SCN8A: variants seen among roughly 807,000 people sequenced by gnomAD.
The protein encoded by SCN8A is sodium channel protein type 8 subunit alpha.
Under a neutral mutation model 184.1 loss-of-function variants are expected in SCN8A, and 30 were observed. That is an observed-to-expected ratio of 0.16 (90% CI 0.12 to 0.22). SCN8A has a LOEUF of 0.22. Ranked by LOEUF, SCN8A falls within the 10% of genes least tolerant of loss-of-function variation. The pLI is 1.00. For synonymous variants in SCN8A, 852 were observed against 907.0 expected, an observed-to-expected ratio of 0.94 and a Z score of 1.09; for missense variants, 1,057 against 2,498.9, an observed-to-expected ratio of 0.42 and a Z score of 12.30.
Position 51,686,362 on chromosome 12 carries a change from C to G in SCN8A, c.396-6C>G, listed in dbSNP as rs1592379052. On this transcript the variant is annotated splice_region_variant and splice_polypyrimidine_tract_variant and intron_variant, in intron 3 of 26. Transcript: ENST00000627620. Reference sequence around the variant, plus strand: ...ATTTTAATATTGCCCCTTGACTCTTCTCTACAGTATTTAGCATGATCATTA... The same window carrying G: ...ATTTTAATATTGCCCCTTGACTCTTGTCTACAGTATTTAGCATGATCATTA... The G allele has an allele frequency of 6.3e-7, 1 of 1,593,028 alleles. No homozygotes were observed. Among genetic ancestry groups the G allele is most frequent in the South Asian group, 1.1e-5 (1 of 89,962 alleles).
chr12:51,721,812 G>C lies in SCN8A; in HGVS notation c.1902G>C (p.Arg634=). 6.2e-7 allele frequency: 1 copy of C among 1,608,096 alleles called. No homozygotes were observed. The highest frequency in any genetic ancestry group is 2.2e-5 in the East Asian group (1 of 44,872). ...SRSSRIFPSL[R]RSVKRNSTVD... Reference sequence around the variant, plus strand: ...CCTCGCGCATCTTCCCCAGCCTGCGGCGCAGCGTGAAGCGCAACAGCACGG... The same window carrying C: ...CCTCGCGCATCTTCCCCAGCCTGCGCCGCAGCGTGAAGCGCAACAGCACGG... Residue 634 remains arginine (R), a synonymous_variant, in exon 12 of 27, where the codon CGG becomes CGC. Coordinates refer to ENST00000627620, the MANE Select transcript of SCN8A (RefSeq NM_001330260.2).
At chr12:51,802,109 C>T (rs1301926233) in intron 26 of SCN8A, among the ~76,000 whole-genome samples, 1 of 152,134 alleles carries the variant, frequency 6.6e-6, no homozygotes, top group African/African-American at 2.4e-5. Context: ...TCGTGAGTCA[C>T]ACTCTGAACC....
intron 1 of SCN8A, among the ~76,000 whole-genome samples, chr12:51,657,081 G>A (rs1940835968): frequency 6.6e-6 from 1 of 152,066 alleles, no homozygotes; most frequent in Non-Finnish European, 1.5e-5. Flanking sequence ...TAGTCGAAAG[G>A]TAGAAAGAAT....
At chr12:51,620,054 T>A (rs2138594473) in intron 1 of SCN8A, among the ~76,000 whole-genome samples, 1 of 152,334 alleles carries the variant, frequency 6.6e-6, no homozygotes, top group Middle Eastern at 3.4e-3. Flanking sequence ...GAAAAAATTT[T>A]GTGCAAGAAA....
rs776753024 is a variant in SCN8A, at chr12:51,806,604, T to C, written c.5118T>C (p.Gly1706=). Residue 1706 remains glycine, a synonymous_variant, in exon 27 of 27, where the codon GGT becomes GGC. Coordinates refer to ENST00000627620, the MANE Select transcript of SCN8A (RefSeq NM_001330260.2). The surrounding 1 kb of genome is among the most constrained non-coding windows in gnomAD (Gnocchi z 8.7). ...ICLFQITTSA[G]WDGLLLPILN... is the part of the protein sequence containing the mutation. ...TGTTTCAAATCACAACCTCAGCTGG[T>C]TGGGATGGCCTGCTGCTGCCCATCC... is the stretch of plus-strand genomic sequence containing the variant. 31 of 1,614,018 alleles carry C rather than the reference T, an allele frequency of 1.9e-5. No individual in the cohort carries two copies. The highest frequency in any genetic ancestry group is 2.5e-5 in the Non-Finnish European group (30 of 1,180,020).
chr12:51,655,778 AGCCAAAAGT>A (rs1159501155), intron 1 of SCN8A, among the ~76,000 whole-genome samples: 1 of 152,218 alleles, frequency 6.6e-6, no homozygotes, highest in African/African-American at 2.4e-5. Flanking sequence ...GAACTGCCAG[AGCCAAAAGT>A]TGCTTTTGTT....
In SCN8A at chr12:51,746,042, G is replaced by A. The variant is rs756286753; in HGVS notation, c.2131+7G>A. ...ACAAATACACTAGTAGAAGGTATGT[G>A]CCCTATAATGTCAGTCCAACCGCTG... On this transcript the variant is annotated splice_region_variant and intron_variant, in intron 13 of 26. Transcript: ENST00000627620. The A allele has an allele frequency of 1.3e-6, 2 of 1,591,280 alleles. No homozygotes were observed. Among genetic ancestry groups the A allele is most frequent in the African/African-American group, 1.4e-5 (1 of 73,760 alleles).
rs202006479 is a variant in SCN8A at position 51,769,111 on chromosome 12, G to A, written c.3148G>A (p.Gly1050Ser). The stretch of plus-strand genomic sequence containing the variant: ...GGCCAACTGTATCGCCAATCACACC[G>A]GTGCAGACATCCACCGGAATGGTGA... The part of the protein sequence containing the change: ...KKANCIANHT[G>S]ADIHRNGDFQ... Residue 1050 changes from glycine to serine, a missense_variant, in exon 17 of 27, where the codon GGT becomes AGT. Coordinates refer to ENST00000627620, the MANE Select transcript of SCN8A (RefSeq NM_001330260.2). 174 of 1,613,404 alleles carry A rather than the reference G, an allele frequency of 1.1e-4. 1 individual carries two copies. Among genetic ancestry groups the A allele is most frequent in the Admixed American group, 1.8e-4 (11 of 59,918 alleles).
chr12:51,638,069 C>T (rs943075648), intron 1 of SCN8A, among the ~76,000 whole-genome samples: 3 of 152,010 alleles, frequency 2.0e-5, no homozygotes, highest in African/African-American at 7.2e-5. Flanking sequence ...ATAAATGGAA[C>T]AACAAGGCCT....
chr12:51,780,131 C>A, intron 20 of SCN8A: 1 of 412,468 alleles, frequency 2.4e-6, no homozygotes, highest in Non-Finnish European at 4.9e-6. Flanking sequence ...CTTGGAAAGC[C>A]AATGGTGAAT....
At chr12:51,757,634 T>C (rs189702948) in intron 14 of SCN8A, among the ~76,000 whole-genome samples, 78 of 152,290 alleles carry the variant, frequency 5.1e-4, no homozygotes, top group African/African-American at 1.8e-3. Flanking sequence ...CACAGGCTAG[T>C]CCAAACTAGA....
intron 16 of SCN8A, among the ~76,000 whole-genome samples, chr12:51,767,769 CTAAT>C (rs1942860956): frequency 6.6e-6 from 1 of 152,190 alleles, no homozygotes; most frequent in Non-Finnish European, 1.5e-5. Context: ...TTTCTGTAGC[CTAAT>C]CCAGACCCTT....
chr12:51,636,197 C>T (rs1162315676), intron 1 of SCN8A, among the ~76,000 whole-genome samples: 1 of 152,154 alleles, frequency 6.6e-6, no homozygotes, highest in Admixed American at 6.5e-5. Context: ...GGGGTTTCAC[C>T]ATGTTAGTTG....
chr12:51,607,655 G>T (rs191870567), intron 1 of SCN8A, among the ~76,000 whole-genome samples: 1 of 152,116 alleles, frequency 6.6e-6, no homozygotes, highest in Non-Finnish European at 1.5e-5. Flanking sequence ...GCATTTTGTC[G>T]AATGCTTTTT....
At chr12:51,744,292 A>G (rs1418447562) in intron 12 of SCN8A, among the ~76,000 whole-genome samples, 2 of 152,148 alleles carry the variant, frequency 1.3e-5, no homozygotes, top group Non-Finnish European at 2.9e-5. Flanking sequence ...GACAGAGCAG[A>G]CTCTCAAAAA....
chr12:51,751,282 T>C (rs573003367), intron 13 of SCN8A, 73 bp from the exon 14 acceptor site: 96 of 946,376 alleles, frequency 1.0e-4, no homozygotes, highest in African/African-American at 9.1e-4. Context: ...TGATAATGAC[T>C]GAGAGTGAGT....
chr12:51,793,638 G>A (rs1440760465), intron 25 of SCN8A, among the ~76,000 whole-genome samples: 2 of 152,192 alleles, frequency 1.3e-5, no homozygotes, highest in Non-Finnish European at 2.9e-5. Context: ...AGCTGGGTAA[G>A]TAGGACGACA....
intron 1 of SCN8A, among the ~76,000 whole-genome samples, chr12:51,623,720 C>T (rs1215974553): frequency 2.0e-5 from 3 of 152,058 alleles, no homozygotes; most frequent in Non-Finnish European, 4.4e-5. Flanking sequence ...CCCATTAACT[C>T]GTCATTTAAC....
rs1319484809 is a variant in SCN8A, at chr12:51,807,224, G to A, written c.5738G>A (p.Arg1913Gln). ...QRAYRGHLAR[R>Q]GFICKKTTSN... ...GCCTACCGGGGACATTTGGCAAGGC[G>A]GGGCTTCATCTGCAAAAAGACAACT... The change falls in exon 27 of 27, where the codon CGG becomes CAG. Residue 1913 changes from arginine (R) to glutamine (Q), a missense_variant. By Grantham distance (43) the Arg-to-Gln change is conservative (BLOSUM62 1). Coordinates refer to ENST00000627620, the MANE Select transcript of SCN8A (RefSeq NM_001330260.2). This position sits in a 1 kb window ranked among gnomAD's most constrained non-coding sequence, Gnocchi z 4.5. The A allele has an allele frequency of 1.2e-6, 2 of 1,613,820 alleles. No individual in the cohort carries two copies. Among genetic ancestry groups the A allele is most frequent in the African/African-American group, 1.3e-5 (1 of 74,898 alleles).
Sources: allele counts gnomAD v4.1 joint callset (sites outside exome capture counted in the v4.1 genomes callset), GRCh38; gene constraint gnomAD v4.1.1; non-coding constraint Gnocchi (gnomAD v3.1); transcripts MANE v1.5; gene names NCBI Gene and HGNC (gene_info 2026-07-23, HGNC 2026-07-21).